The following TASP1 variants were observed in gnomAD, a reference collection of about 807,000 sequenced individuals.
TASP1 encodes the protein threonine aspartase 1.
TASP1 carries 16 observed loss-of-function variants against 56.6 expected under a neutral mutation model. That is an observed-to-expected ratio of 0.28 (90% CI 0.19 to 0.43). The LOEUF is 0.43. TASP1 is among the 20% of genes least tolerant of loss of function. The pLI is 1.00. For synonymous variants in TASP1, 179 were observed against 184.2 expected (o/e 0.97, Z 0.23); for missense variants, 393 against 511.6 (o/e 0.77, Z 2.24).
intron 10 of TASP1, among the ~76,000 whole-genome samples, chr20:13,512,247 C>T (rs1314957348): frequency 2.0e-5 from 3 of 152,060 alleles, no homozygotes; most frequent in Non-Finnish European, 2.9e-5. Context: ...TCCTATTTCT[C>T]CACATCCTCT....
the TASP1 span, among the ~76,000 whole-genome samples, chr20:13,209,209 G>A: frequency 3.9e-5 from 6 of 152,110 alleles, no homozygotes; most frequent in East Asian, 1.9e-4. Flanking sequence ...ACCCAAGATC[G>A]ATCAAACCAC....
the TASP1 span, among the ~76,000 whole-genome samples, chr20:13,343,068 G>A: frequency 7.9e-5 from 12 of 152,184 alleles, no homozygotes; most frequent in Non-Finnish European, 1.5e-4. Context: ...GGAAGGCTCC[G>A]AGAAGGGTCC....
the TASP1 span, among the ~76,000 whole-genome samples, chr20:13,340,044 A>G: frequency 1.3e-5 from 2 of 152,126 alleles, no homozygotes; most frequent in Non-Finnish European, 2.9e-5. Context: ...TGTCTCTACT[A>G]CAGAGTCTGA....
intron 4 of TASP1, among the ~76,000 whole-genome samples, chr20:13,591,686 C>T (rs1485139170): frequency 1.3e-5 from 2 of 152,098 alleles, no homozygotes; most frequent in African/African-American, 4.8e-5. Flanking sequence ...ATATAAAGAA[C>T]TTTTATCTCA....
chr20:13,136,568 C>T, the TASP1 span, among the ~76,000 whole-genome samples: 1 of 150,358 alleles, frequency 6.7e-6, no homozygotes, highest in Admixed American at 6.6e-5. Context: ...CCACTGCACT[C>T]CAGCCTGGGC....
At chr20:13,522,525 C>A (rs1429479743) in intron 10 of TASP1, among the ~76,000 whole-genome samples, 1 of 152,082 alleles carries the variant, frequency 6.6e-6, no homozygotes, top group Non-Finnish European at 1.5e-5. Flanking sequence ...TTGACTTGAG[C>A]CACTGGAATT....
intron 8 of TASP1, among the ~76,000 whole-genome samples, chr20:13,543,411 C>T (rs2045694682): frequency 6.6e-6 from 1 of 152,134 alleles, no homozygotes; most frequent in South Asian, 2.1e-4. Context: ...TCAGTCTGGC[C>T]AACATGGAGA....
In TASP1 at chr20:13,587,132, T is replaced by C. The variant is rs2047335094; in HGVS notation, c.403+118A>G. The C allele has an allele frequency of 1.2e-5, 15 of 1,297,216 alleles. No individual in the cohort carries two copies. The South Asian group carries it at 2.3e-4, about 20-fold the overall frequency. 80.4% of individuals were successfully genotyped at this position (1,297,216 alleles called of 1,614,324 possible). A position where few individuals can be genotyped will look rare whatever the true frequency, so the allele number is the denominator to read the frequency against. ...TTTTAAATTCAATAAAAAAAGAACA[T>C]TTGTTTTAAACACTATTCCAAGCAG... On this transcript the variant is annotated intron_variant, in intron 5 of 13. Transcript: ENST00000337743.
At chr20:13,327,205 T>C in the TASP1 span, among the ~76,000 whole-genome samples, 1 of 152,056 alleles carries the variant, frequency 6.6e-6, no homozygotes, top group South Asian at 2.1e-4. Flanking sequence ...TGAACTCCCA[T>C]TGACAATTGC....
chr20:13,288,793 T>A, the TASP1 span: 1 of 1,146,420 alleles, frequency 8.7e-7, no homozygotes, highest in Non-Finnish European at 1.2e-6. Flanking sequence ...TTTCTTTTCT[T>A]TTTTTTTTTG....
chr20:13,417,300 G>C, intron 13 of TASP1, 148 bp downstream of exon 13: 1 of 712,148 alleles, frequency 1.4e-6, no homozygotes, highest in Middle Eastern at 2.5e-4. Context: ...TGTTAGCATT[G>C]TTAACTGTTC....
At chr20:13,352,155 G>A in the TASP1 span, among the ~76,000 whole-genome samples, 2 of 152,152 alleles carry the variant, frequency 1.3e-5, no homozygotes, top group African/African-American at 4.8e-5. Flanking sequence ...CATTAAGAAT[G>A]CACTAACTTT....
At chr20:13,425,031 T>C (rs1342545781) in intron 12 of TASP1, among the ~76,000 whole-genome samples, 1 of 152,202 alleles carries the variant, frequency 6.6e-6, no homozygotes, top group African/African-American at 2.4e-5. Context: ...TCATAAATGA[T>C]GGATTAATTG....
the TASP1 span, among the ~76,000 whole-genome samples, chr20:13,309,983 A>G: frequency 6.6e-6 from 1 of 152,200 alleles, no homozygotes; most frequent in Non-Finnish European, 1.5e-5. Flanking sequence ...TACGGATTGG[A>G]AGAATTTATA....
At chr20:13,446,469 C>A (rs1195264948) in intron 11 of TASP1, among the ~76,000 whole-genome samples, 2 of 152,048 alleles carry the variant, frequency 1.3e-5, no homozygotes, top group African/African-American at 4.8e-5. Context: ...ACAAAAACCA[C>A]CCCTGTAGGT....
At chr20:13,113,765 C>A in the TASP1 span, among the ~76,000 whole-genome samples, 1 of 152,176 alleles carries the variant, frequency 6.6e-6, no homozygotes, top group African/African-American at 2.4e-5. Flanking sequence ...GAGTGGCTGT[C>A]TTTATTGTCA....
the TASP1 span, among the ~76,000 whole-genome samples, chr20:13,346,132 G>A: frequency 6.6e-6 from 1 of 151,836 alleles, no homozygotes; most frequent in African/African-American, 2.4e-5. Flanking sequence ...AAAGAGAGAG[G>A]TGAAGGAAAA....
chr20:13,327,563 A>C, the TASP1 span, among the ~76,000 whole-genome samples: 2 of 152,204 alleles, frequency 1.3e-5, no homozygotes, highest in Non-Finnish European at 1.5e-5. Context: ...ACTATACTAC[A>C]AGGTCACAGT....
At chr20:13,298,941 G>C in the TASP1 span, 2 of 1,612,458 alleles carry the variant, frequency 1.2e-6, no homozygotes, top group East Asian at 2.2e-5. Context: ...GCCTTTTCCA[G>C]ACACAGACAG....
Sources: gnomAD v4.1 joint callset for allele counts (sites outside exome capture counted in the v4.1 genomes callset) on GRCh38, gnomAD v4.1.1 for gene constraint, MANE v1.5 for transcripts, NCBI Gene and HGNC (gene_info 2026-07-23, HGNC 2026-07-21) for gene names.